Variants in TAOK3 observed in about 807,000 individuals in gnomAD.
TAOK3 encodes the protein serine/threonine-protein kinase TAO3.
Under a neutral mutation model 120.4 loss-of-function variants are expected in TAOK3, and 40 were observed. The ratio of observed to expected loss-of-function variants is 0.33; its 90% CI spans 0.26 to 0.43. The LOEUF is 0.43. Ranked by LOEUF, TAOK3 falls within the 20% of genes least tolerant of loss-of-function variation. The pLI, the probability that TAOK3 is intolerant of heterozygous loss-of-function variation, is 1.00. For missense variants in TAOK3, 821 were observed against 1,112.1 expected (o/e 0.74, Z 3.72); for synonymous variants, 355 against 387.5 (o/e 0.92, Z 0.99).
At chr12:118,365,778 C>T (rs1028149605) in intron 1 of TAOK3, among the ~76,000 whole-genome samples, 1 of 152,096 alleles carries the variant, frequency 6.6e-6, no homozygotes, top group African/African-American at 2.4e-5. Flanking sequence ...CACGTGTTAA[C>T]AGGAAACTGC....
intron 1 of TAOK3, among the ~76,000 whole-genome samples, chr12:118,340,736 C>G (rs911408696): frequency 2.0e-5 from 3 of 150,740 alleles, no homozygotes; most frequent in Non-Finnish European, 4.4e-5. Context: ...ATCATTTCAT[C>G]TATAAATATT....
intron 1 of TAOK3, among the ~76,000 whole-genome samples, chr12:118,310,399 G>C (rs2043218570): frequency 6.6e-6 from 1 of 152,214 alleles, no homozygotes; most frequent in South Asian, 2.1e-4. Context: ...TGTGAAATAT[G>C]TATGTCTTCA....
At chr12:118,319,705 G>C (rs576679620) in intron 1 of TAOK3, among the ~76,000 whole-genome samples, 1 of 152,242 alleles carries the variant, frequency 6.6e-6, no homozygotes, top group East Asian at 1.9e-4. Context: ...ACAAGTGTTG[G>C]TGAGGATGTG....
intron 14 of TAOK3, among the ~76,000 whole-genome samples, chr12:118,185,033 C>T (rs1233119706): frequency 6.6e-6 from 1 of 151,920 alleles, no homozygotes; most frequent in Non-Finnish European, 1.5e-5. Flanking sequence ...TGTCCCTTGG[C>T]CCTCCACTTA....
At chr12:118,272,092 A>T (rs1302169152) in intron 1 of TAOK3, among the ~76,000 whole-genome samples, 1 of 152,196 alleles carries the variant, frequency 6.6e-6, no homozygotes, top group Non-Finnish European at 1.5e-5. Context: ...GAAACCTTCT[A>T]ACAATGGTAA....
chr12:118,335,706 C>G (rs1462468631), intron 1 of TAOK3, among the ~76,000 whole-genome samples: 1 of 152,050 alleles, frequency 6.6e-6, no homozygotes, highest in Non-Finnish European at 1.5e-5. Flanking sequence ...GTGGTGGGCA[C>G]CTGTAATCCT....
At chr12:118,306,850 A>G (rs2043070677) in intron 1 of TAOK3, among the ~76,000 whole-genome samples, 1 of 152,242 alleles carries the variant, frequency 6.6e-6, no homozygotes, top group African/African-American at 2.4e-5. Flanking sequence ...CTCCATAATG[A>G]AGAAAATAGT....
At chr12:118,356,797 C>G (rs1263869767) in intron 1 of TAOK3, among the ~76,000 whole-genome samples, 2 of 152,134 alleles carry the variant, frequency 1.3e-5, no homozygotes, top group African/African-American at 4.8e-5. Context: ...TGGCACATGC[C>G]TGTAGTCTCG....
At position 118,246,408 on chromosome 12, in the gene TAOK3, A is replaced by G; in HGVS notation, c.121-1443T>C. ...CTCTCTCAAGGATGAGGTTTTGAAG[A>G]TTATGCCAGTGCAGAAGCAGACCCG... On this transcript the variant is annotated intron_variant, in intron 3 of 20. Transcript: ENST00000392533. 7.3e-6 allele frequency: 11 copies of G among 1,515,522 alleles called. 1 individual carries two copies. The South Asian group carries it at 1.3e-4, about 18-fold the overall frequency. The allele number at this position is 1,515,522 out of a possible 1,614,324, so 93.9% of individuals were successfully genotyped here. A position where few individuals can be genotyped will look rare whatever the true frequency, so the allele number is the denominator to read the frequency against.
At chr12:118,246,330 C>T in intron 3 of TAOK3, 2 of 1,601,078 alleles carry the variant, frequency 1.2e-6, no homozygotes, top group Non-Finnish European at 1.7e-6. Flanking sequence ...GGAGATCTAT[C>T]TCTTCTCCCT....
chr12:118,243,540 TTTTAA>T (rs776732317), intron 4 of TAOK3, 24 bp from the exon 5 acceptor site: 3 of 1,064,526 alleles, frequency 2.8e-6, no homozygotes, highest in Non-Finnish European at 4.0e-6. Flanking sequence ...AAAAGGAACA[TTTTAA>T]TTTAATTTTT....
intron 3 of TAOK3, among the ~76,000 whole-genome samples, chr12:118,250,725 A>G (rs1274045239): frequency 1.3e-5 from 2 of 152,220 alleles, no homozygotes; most frequent in Non-Finnish European, 2.9e-5. Context: ...ATAAAACAAT[A>G]AAAGACAAAA....
rs954572474 is a variant in TAOK3, at chr12:118,315,466, T to C, written c.-193-48707A>G. Among the ~76,000 whole-genome samples, 3 of 152,206 alleles carry C rather than the reference T, an allele frequency of 2.0e-5. No individual in the cohort carries two copies. In the East Asian group the frequency reaches 5.8e-4, roughly 29 times the overall value. On this transcript the variant is annotated intron_variant, in intron 1 of 20. Transcript: ENST00000392533. ...TTAAAACCCACAAAAATGTATTGTT[T>C]GTAGCACACATAAATAAGAGTACAA... is the stretch of plus-strand genomic sequence containing the variant.
chr12:118,343,746 C>T (rs1446421758), intron 1 of TAOK3, among the ~76,000 whole-genome samples: 2 of 152,098 alleles, frequency 1.3e-5, no homozygotes, highest in African/African-American at 4.8e-5. Flanking sequence ...GGCGCGGTGG[C>T]TCACACCTGT....
Position 118,151,242 on chromosome 12 carries a change from TATGAC to T in TAOK3, c.2536-89_2536-85del, listed in dbSNP as rs1297462997. On this transcript the variant is annotated intron_variant, in intron 20 of 20. Transcript: ENST00000392533. The stretch of plus-strand genomic sequence containing the variant: ...CACGCGATACACCCATAGGCACACA[TATGAC>T]ATGCACACACACATAGGCACACACA... The T allele has an allele frequency of 1.8e-5, 26 of 1,424,586 alleles. 1 individual carries two copies. The highest frequency in any genetic ancestry group is 3.6e-4 in the Middle Eastern group (2 of 5,538). 88.2% of individuals were successfully genotyped at this position (1,424,586 alleles called of 1,614,324 possible).
chr12:118,171,298 T>C (rs535607398), intron 17 of TAOK3, among the ~76,000 whole-genome samples: 1 of 152,346 alleles, frequency 6.6e-6, no homozygotes, highest in South Asian at 2.1e-4. Flanking sequence ...GCTGACCTCA[T>C]TGCACTTTGC....
chr12:118,263,990 C>T (rs1221429767), intron 2 of TAOK3, among the ~76,000 whole-genome samples: 1 of 152,168 alleles, frequency 6.6e-6, no homozygotes, highest in Non-Finnish European at 1.5e-5. Flanking sequence ...TGCTTGAACC[C>T]AGGAGGTGGA....
chr12:118,229,130 C>T (rs1434489685), intron 9 of TAOK3, among the ~76,000 whole-genome samples: 9 of 150,026 alleles, frequency 6.0e-5, no homozygotes, highest in African/African-American at 2.5e-5. Context: ...GACAGAGTTT[C>T]GATCTTGTTG....
At chr12:118,243,010 C>A (rs1566001261) in intron 5 of TAOK3, among the ~76,000 whole-genome samples, 1 of 151,586 alleles carries the variant, frequency 6.6e-6, no homozygotes. Context: ...TATGGTGGCC[C>A]CTGTTTGGTA....
Sources: gnomAD v4.1 joint callset for allele counts (sites outside exome capture counted in the v4.1 genomes callset) on GRCh38, gnomAD v4.1.1 for gene constraint, MANE v1.5 for transcripts, NCBI Gene and HGNC (gene_info 2026-07-23, HGNC 2026-07-21) for gene names.